The following CACNB2 variants were observed in gnomAD, a reference collection of about 807,000 sequenced individuals.
The protein encoded by CACNB2 is calcium voltage-gated channel auxiliary subunit beta 2.
CACNB2 carries 42 observed loss-of-function variants against 73.3 expected under a neutral mutation model. That is an observed-to-expected ratio of 0.57 (90% CI 0.45 to 0.74). The LOEUF (loss-of-function observed/expected upper bound fraction) is 0.74, where lower values mean the gene tolerates loss of function less well. Among genes scored for constraint, CACNB2 ranks in the 30% least tolerant of loss-of-function variants. The probability of loss-of-function intolerance (pLI) is 0.00; values close to 1 mark genes in which losing one functional copy is unlikely to be tolerated. For missense variants in CACNB2, 940 were observed against 853.0 expected (o/e 1.10, Z -1.27); for synonymous variants, 348 against 310.3 (o/e 1.12, Z -1.28).
At chr10:18,218,811 A>G (rs1359160938) in intron 2 of CACNB2, among the ~76,000 whole-genome samples, 2 of 152,008 alleles carry the variant, frequency 1.3e-5, no homozygotes, top group Admixed American at 6.6e-5. Flanking sequence ...AGCTGCAGTG[A>G]GCCAAGATCA....
At chr10:18,387,751 T>C (rs1335700458) in intron 2 of CACNB2, among the ~76,000 whole-genome samples, 1 of 151,712 alleles carries the variant, frequency 6.6e-6, no homozygotes, top group Non-Finnish European at 1.5e-5. Context: ...CCGAGCCATT[T>C]CTTTCTCTCT....
At chr10:18,506,434 A>T (rs754423548) in intron 5 of CACNB2, 37 bp from the exon 6 acceptor site, 2 of 1,079,038 alleles carry the variant, frequency 1.9e-6, no homozygotes, top group South Asian at 2.5e-5. Context: ...ATGCGAAATA[A>T]GTGTCAGATT....
At chr10:18,479,700 GC>G (rs1564597285) in intron 3 of CACNB2, among the ~76,000 whole-genome samples, 2 of 58,042 alleles carry the variant, frequency 3.4e-5, no homozygotes, top group African/African-American at 6.3e-5. Flanking sequence ...TCTCTCTCTC[GC>G]TCGCTCGCTC....
In CACNB2 at chr10:18,205,756, G is replaced by A. The variant is rs1185972142; in HGVS notation, c.213+54781G>A. ...AGCTTACTGGAGTGGAGAGAAGAGG[G>A]TAGTGTTTCAATGTTCCCTGCTCCT... On this transcript the variant is annotated intron_variant, in intron 2 of 13. Transcript: ENST00000324631. 5.3e-5 allele frequency among the ~76,000 whole-genome samples: 8 copies of A among 152,212 alleles called. No individual in the cohort carries two copies. In the East Asian group the frequency reaches 1.5e-3, roughly 29 times the overall value.
intron 2 of CACNB2, among the ~76,000 whole-genome samples, chr10:18,288,330 T>C (rs1479079391): frequency 6.6e-6 from 1 of 152,230 alleles, no homozygotes; most frequent in African/African-American, 2.4e-5. Context: ...CAGAGTTACA[T>C]GGTCTAGTCT....
chr10:18,315,615 G>C (rs1399662582), intron 2 of CACNB2, among the ~76,000 whole-genome samples: 1 of 148,834 alleles, frequency 6.7e-6, no homozygotes, highest in Non-Finnish European at 1.5e-5. Flanking sequence ...GGTAACTTGA[G>C]CACAGAGGTT....
intron 2 of CACNB2, chr10:18,262,006 T>C (rs1488871887): frequency 1.9e-6 from 1 of 519,020 alleles, no homozygotes; most frequent in East Asian, 5.4e-5. Context: ...GAGCAAGCGC[T>C]GGCTTGATTT....
chr10:18,189,214 T>C (rs565283598), intron 2 of CACNB2, among the ~76,000 whole-genome samples: 2 of 152,316 alleles, frequency 1.3e-5, no homozygotes, highest in South Asian at 4.1e-4. Context: ...AATTTCATAA[T>C]TTCAGTTGTG....
At chr10:18,168,018 C>T (rs2032975142) in intron 2 of CACNB2, among the ~76,000 whole-genome samples, 1 of 152,166 alleles carries the variant, frequency 6.6e-6, no homozygotes, top group African/African-American at 2.4e-5. Flanking sequence ...AGGATAGAAA[C>T]CTCTCTATCT....
At chr10:18,409,133 C>T (rs1282930981) in intron 3 of CACNB2, among the ~76,000 whole-genome samples, 1 of 152,064 alleles carries the variant, frequency 6.6e-6, no homozygotes, top group African/African-American at 2.4e-5. Context: ...CCCGTTTCTA[C>T]TAAAAATACA....
At chr10:18,438,970 G>A (rs1334722147) in intron 3 of CACNB2, among the ~76,000 whole-genome samples, 1 of 152,244 alleles carries the variant, frequency 6.6e-6, no homozygotes, top group African/African-American at 2.4e-5. Context: ...GCGTAGGCCA[G>A]CACGTGAATT....
intron 2 of CACNB2, among the ~76,000 whole-genome samples, chr10:18,326,029 C>T (rs2040578251): frequency 1.3e-5 from 2 of 152,116 alleles, no homozygotes; most frequent in South Asian, 2.1e-4. Context: ...AGCCACTGTG[C>T]CTAGCTGAAA....
intron 3 of CACNB2, among the ~76,000 whole-genome samples, chr10:18,416,568 C>G (rs1486166257): frequency 6.6e-6 from 1 of 152,180 alleles, no homozygotes; most frequent in African/African-American, 2.4e-5. Context: ...AGGTGTGCGC[C>G]ATCATGGCCA....
At chr10:18,425,495 C>T (rs781385980) in intron 3 of CACNB2, among the ~76,000 whole-genome samples, 2 of 144,088 alleles carry the variant, frequency 1.4e-5, no homozygotes, top group African/African-American at 2.6e-5. Context: ...AACAGTACTT[C>T]GTTACTACAA....
chr10:18,210,898 G>A (rs998254655), intron 2 of CACNB2, among the ~76,000 whole-genome samples: 1 of 152,130 alleles, frequency 6.6e-6, no homozygotes, highest in Non-Finnish European at 1.5e-5. Context: ...ATGAGTACAG[G>A]GATTATGCAT....
At chr10:18,427,229 G>A (rs1488622062) in intron 3 of CACNB2, among the ~76,000 whole-genome samples, 1 of 151,844 alleles carries the variant, frequency 6.6e-6, no homozygotes, top group East Asian at 1.9e-4. Context: ...CTTTAAAGGT[G>A]GTCATATGAT....
chr10:18,455,625 T>G (rs965091591), intron 3 of CACNB2, among the ~76,000 whole-genome samples: 4 of 152,178 alleles, frequency 2.6e-5, no homozygotes, highest in Admixed American at 2.0e-4. Flanking sequence ...AAGGGCAAAT[T>G]GTATATCACT....
intron 2 of CACNB2, among the ~76,000 whole-genome samples, chr10:18,334,973 G>A (rs1225126314): frequency 6.6e-6 from 1 of 151,848 alleles, no homozygotes; most frequent in Non-Finnish European, 1.5e-5. Context: ...ACTCAACAAT[G>A]AAAATATAAC....
At chr10:18,282,635 A>G (rs1480617783) in intron 2 of CACNB2, among the ~76,000 whole-genome samples, 2 of 152,220 alleles carry the variant, frequency 1.3e-5, no homozygotes, top group Non-Finnish European at 2.9e-5. Flanking sequence ...TGAGTATTCA[A>G]TTTGTTGGGA....
Sources: gnomAD v4.1 joint callset for allele counts (sites outside exome capture counted in the v4.1 genomes callset) on GRCh38, gnomAD v4.1.1 for gene constraint, MANE v1.5 for transcripts, NCBI Gene and HGNC (gene_info 2026-07-23, HGNC 2026-07-21) for gene names.